Variants in PGM5 observed in about 807,000 individuals in gnomAD.
PGM5 encodes the protein phosphoglucomutase 5.
In PGM5, 23 loss-of-function variants were observed where a neutral mutation model predicts 59.2. That is an observed-to-expected ratio of 0.39 (90% CI 0.28 to 0.55). The LOEUF (loss-of-function observed/expected upper bound fraction) is 0.55, where lower values mean the gene tolerates loss of function less well. Ranked by LOEUF, PGM5 falls within the 20% of genes least tolerant of loss-of-function variation. PGM5 has a pLI of 0.66. For synonymous variants in PGM5, 214 were observed against 286.0 expected (o/e 0.75, Z 2.54); for missense variants, 574 against 748.3 (o/e 0.77, Z 2.72).
At position 68,380,166 on chromosome 9, in the gene PGM5, A is replaced by T. The variant is rs530039658; in HGVS notation, c.424+1805A>T. ...ATACATTCTTCTCTAGCATACATAG[A>T]ACATTCTCCAGGATAGACCATATGT... On this transcript the variant is annotated intron_variant, in intron 2 of 10. Transcript: ENST00000396396. Among the ~76,000 whole-genome samples the T allele has an allele frequency of 2.0e-5, 3 of 152,126 alleles. No individual in the cohort carries two copies. In the East Asian group the frequency reaches 5.8e-4, roughly 29 times the overall value.
At chr9:68,475,097 T>G (rs1587822335) in intron 7 of PGM5, among the ~76,000 whole-genome samples, 2 of 151,722 alleles carry the variant, frequency 1.3e-5, no homozygotes, top group African/African-American at 2.4e-5. Context: ...CACTGCAACC[T>G]CTACCTTCTG....
chr9:68,489,557 C>T (rs1824354716), intron 9 of PGM5, among the ~76,000 whole-genome samples: 1 of 151,278 alleles, frequency 6.6e-6, no homozygotes, highest in Admixed American at 6.6e-5. Context: ...CCTCTGCTCC[C>T]GGGTTCAAGC....
At chr9:68,375,666 G>A (rs1821859958) in intron 1 of PGM5, among the ~76,000 whole-genome samples, 1 of 152,136 alleles carries the variant, frequency 6.6e-6, no homozygotes, top group Non-Finnish European at 1.5e-5. Flanking sequence ...AAAAGTCCTT[G>A]GGCTTTACAT....
At chr9:68,503,116 A>G (rs1402101182) in intron 10 of PGM5, among the ~76,000 whole-genome samples, 1 of 152,182 alleles carries the variant, frequency 6.6e-6, no homozygotes, top group Non-Finnish European at 1.5e-5. Flanking sequence ...CCTGTTCTTA[A>G]TAAGACTTTG....
intron 10 of PGM5, among the ~76,000 whole-genome samples, chr9:68,504,460 C>G (rs1401465125): frequency 1.3e-5 from 2 of 152,152 alleles, no homozygotes; most frequent in Non-Finnish European, 2.9e-5. Flanking sequence ...CATTTCCTAT[C>G]TCTTTTCCTG....
At chr9:68,484,577 C>CAA (rs59632919) in intron 9 of PGM5, among the ~76,000 whole-genome samples, 1 of 111,248 alleles carries the variant, frequency 9.0e-6, no homozygotes, top group African/African-American at 3.2e-5. Context: ...CACACACACA[C>CAA]AAAACAAAAC....
At chr9:68,432,945 G>T (rs191999360) in intron 6 of PGM5, among the ~76,000 whole-genome samples, 1 of 151,850 alleles carries the variant, frequency 6.6e-6, no homozygotes, top group African/African-American at 2.4e-5. Flanking sequence ...ATTTTATTCC[G>T]TTATACCATG....
chr9:68,498,948 T>G (rs1554688392), intron 9 of PGM5: 1 of 365,680 alleles, frequency 2.7e-6, no homozygotes, highest in African/African-American at 2.1e-5. Context: ...CTGATTCCCA[T>G]ATCACCAGCC....
chr9:68,399,484 T>G (rs1292112734), intron 6 of PGM5, among the ~76,000 whole-genome samples: 4 of 152,136 alleles, frequency 2.6e-5, no homozygotes, highest in African/African-American at 4.8e-5. Flanking sequence ...AACTTTCTAA[T>G]TTTTATCCAG....
chr9:68,365,604 C>CA (rs1834664220), intron 1 of PGM5, among the ~76,000 whole-genome samples: 1 of 152,200 alleles, frequency 6.6e-6, no homozygotes, highest in African/African-American at 2.4e-5. Flanking sequence ...CATTCAACCT[C>CA]AAAAGTTCTT....
chr9:68,385,903 T>C (rs166422), intron 3 of PGM5, among the ~76,000 whole-genome samples: 2,374 of 152,022 alleles, frequency 0.016, 71 homozygotes, highest in African/African-American at 0.054. Context: ...AGATAATCGT[T>C]TGGGATAATT....
At chr9:68,458,386 G>A (rs561451493) in intron 6 of PGM5, among the ~76,000 whole-genome samples, 18 of 152,292 alleles carry the variant, frequency 1.2e-4, no homozygotes, top group Admixed American at 7.8e-4. Flanking sequence ...CATGGGGTTG[G>A]GGTCCACCTT....
At chr9:68,507,225 T>A (rs1824672458) in intron 10 of PGM5, among the ~76,000 whole-genome samples, 2 of 152,188 alleles carry the variant, frequency 1.3e-5, no homozygotes, top group African/African-American at 4.8e-5. Flanking sequence ...GGCTCTAAAC[T>A]CTATGACCAA....
At chr9:68,504,724 T>G (rs2132109034) in intron 10 of PGM5, among the ~76,000 whole-genome samples, 1 of 152,274 alleles carries the variant, frequency 6.6e-6, no homozygotes, top group Non-Finnish European at 1.5e-5. Flanking sequence ...TATATATTTA[T>G]TTTATTTTAT....
At chr9:68,504,022 C>T (rs1824618818) in intron 10 of PGM5, among the ~76,000 whole-genome samples, 1 of 152,190 alleles carries the variant, frequency 6.6e-6, no homozygotes, top group Non-Finnish European at 1.5e-5. Context: ...GCTGCTGGTC[C>T]AGGAGCCACC....
At chr9:68,446,692 G>C (rs1023972991) in intron 6 of PGM5, among the ~76,000 whole-genome samples, 13 of 152,186 alleles carry the variant, frequency 8.5e-5, no homozygotes, top group African/African-American at 2.7e-4. Context: ...TACTGGGGTG[G>C]AGAAGCTCTG....
At chr9:68,484,766 A>C (rs927713894) in intron 9 of PGM5, among the ~76,000 whole-genome samples, 2 of 152,216 alleles carry the variant, frequency 1.3e-5, no homozygotes, top group African/African-American at 4.8e-5. Context: ...GATTCAGAAA[A>C]GTTACCAAGA....
chr9:68,417,624 C>T (rs1564000044), intron 6 of PGM5, among the ~76,000 whole-genome samples: 1 of 152,122 alleles, frequency 6.6e-6, no homozygotes, highest in Non-Finnish European at 1.5e-5. Context: ...TAGTACATTA[C>T]ACACCTCATC....
chr9:68,370,442 G>A (rs2131982523), intron 1 of PGM5, among the ~76,000 whole-genome samples: 1 of 152,200 alleles, frequency 6.6e-6, no homozygotes, highest in South Asian at 2.1e-4. Flanking sequence ...TTTAGCCTGA[G>A]GGTTTAAATA....
Sources: gnomAD v4.1 joint callset for allele counts (sites outside exome capture counted in the v4.1 genomes callset) on GRCh38, gnomAD v4.1.1 for gene constraint, MANE v1.5 for transcripts, NCBI Gene and HGNC (gene_info 2026-07-23, HGNC 2026-07-21) for gene names.